FRMD6: variants seen among roughly 807,000 people sequenced by gnomAD.
FRMD6 encodes FERM domain containing 6.
Under a neutral mutation model 73.2 loss-of-function variants are expected in FRMD6, and 37 were observed. The ratio of observed to expected loss-of-function variants is 0.51; its 90% confidence interval spans 0.39 to 0.66. The LOEUF is 0.66. Among genes scored for constraint, FRMD6 ranks in the 30% least tolerant of loss-of-function variants. FRMD6 has a pLI of 0.00. For missense variants in FRMD6, 714 were observed against 780.5 expected, an observed-to-expected ratio of 0.91 and a Z score of 1.02; for synonymous variants, 273 against 282.2, an observed-to-expected ratio of 0.97 and a Z score of 0.33.
At chr14:51,448,018 T>C in the FRMD6 span, among the ~76,000 whole-genome samples, 1 of 152,246 alleles carries the variant, frequency 6.6e-6, no homozygotes, top group South Asian at 2.1e-4. Flanking sequence ...GCTATTCCTT[T>C]GTAGGAAATG....
At chr14:51,443,356 A>G in the FRMD6 span, among the ~76,000 whole-genome samples, 4 of 152,198 alleles carry the variant, frequency 2.6e-5, no homozygotes, top group African/African-American at 7.2e-5. Context: ...AAATCTTTCT[A>G]TTTATATTCT....
chr14:51,427,043 G>T, the FRMD6 span, among the ~76,000 whole-genome samples: 2 of 152,194 alleles, frequency 1.3e-5, no homozygotes, highest in African/African-American at 4.8e-5. Context: ...CATCAGATAT[G>T]AGAGTCTAAG....
intron 1 of FRMD6, among the ~76,000 whole-genome samples, chr14:51,539,987 G>A (rs1351153383): frequency 6.6e-6 from 1 of 152,196 alleles, no homozygotes; most frequent in Non-Finnish European, 1.5e-5. Context: ...CCAACAAAAG[G>A]CACACTTTGT....
upstream of FRMD6, among the ~76,000 whole-genome samples, chr14:51,486,728 T>C (rs1009875688): frequency 1.3e-5 from 2 of 152,184 alleles, no homozygotes; most frequent in African/African-American, 2.4e-5. Context: ...GAAATTCTGG[T>C]TGTGGGTATG....
At chr14:51,645,523 G>C (rs1003482685) in intron 2 of FRMD6, among the ~76,000 whole-genome samples, 1 of 152,112 alleles carries the variant, frequency 6.6e-6, no homozygotes, top group Non-Finnish European at 1.5e-5. Context: ...TTGACCTCCC[G>C]GGCTCAAGTG....
At chr14:51,483,817 A>G in the FRMD6 span, among the ~76,000 whole-genome samples, 2 of 152,252 alleles carry the variant, frequency 1.3e-5, no homozygotes, top group African/African-American at 4.8e-5. Flanking sequence ...AAGGTAATGA[A>G]CACAGAGCAT....
chr14:51,491,401 GGT>G (rs1882994718), intron 1 of FRMD6: 1 of 152,164 alleles, frequency 6.6e-6, no homozygotes, highest in South Asian at 2.1e-4. Flanking sequence ...TTTCATTGAT[GGT>G]TCCCCAGCTC....
In FRMD6 at chr14:51,669,542, T is replaced by C. The variant is rs371501510; in HGVS notation, c.-147+17546T>C. 3.3e-5 allele frequency among the ~76,000 whole-genome samples: 5 copies of C among 152,340 alleles called. No homozygotes were observed. The East Asian group carries it at 7.7e-4, about 23-fold the overall frequency. ...TTGGTATTGTCAGTGTTTTTAACTT[T>C]AACCATTCTGGCAGGTGTGTAGTGG... On this transcript the variant is annotated intron_variant, in intron 1 of 13. Transcript: ENST00000344768.
At chr14:51,654,682 G>T (rs192297319) in intron 1 of FRMD6, among the ~76,000 whole-genome samples, 31 of 152,072 alleles carry the variant, frequency 2.0e-4, no homozygotes, top group African/African-American at 7.2e-4. Flanking sequence ...AAAAATGTAT[G>T]TGAATTTTAG....
At chr14:51,692,506 G>A (rs189602055) in intron 2 of FRMD6, among the ~76,000 whole-genome samples, 32 of 151,224 alleles carry the variant, frequency 2.1e-4, no homozygotes, top group African/African-American at 6.6e-4. Flanking sequence ...ACACACACAA[G>A]CAGGTTGTGG....
Position 51,585,939 on chromosome 14 carries a change from G to GTGTGTGTGTGTGTGTGTGTATA in FRMD6, c.-147+15530_-147+15531insGTGTGTGTGTGTGTGTGTATAT. Among the ~76,000 whole-genome samples the GTGTGTGTGTGTGTGTGTGTATA allele has an allele frequency of 2.5e-4, 8 of 31,388 alleles. 1 individual carries two copies. Among genetic ancestry groups the GTGTGTGTGTGTGTGTGTGTATA allele is most frequent in the Non-Finnish European group, 6.7e-4 (7 of 10,372 alleles). The allele number at this position is 31,388 out of a possible 152,430, so 20.6% of individuals were successfully genotyped here. ...TGCCATGGCATGTGTGTGTGTGTGT[G>GTGTGTGTGTGTGTGTGTGTATA]TATATATATATATATATATATAACA... On this transcript the variant is annotated intron_variant, in intron 2 of 14. Coordinates refer to the FRMD6 transcript ENST00000356218.
chr14:51,666,022 C>T (rs937978523), intron 1 of FRMD6, among the ~76,000 whole-genome samples: 2 of 152,196 alleles, frequency 1.3e-5, no homozygotes, highest in Admixed American at 6.5e-5. Flanking sequence ...TGGACTAATA[C>T]TCTATTGTTA....
chr14:51,588,088 T>C (rs1889159215), intron 2 of FRMD6, among the ~76,000 whole-genome samples: 1 of 152,204 alleles, frequency 6.6e-6, no homozygotes, highest in South Asian at 2.1e-4. Flanking sequence ...GTAATTTTTT[T>C]CACTGTTGAA....
At position 51,724,983 on chromosome 14, in the gene FRMD6, G is replaced by T. The variant is rs147056128; in HGVS notation, c.1493-796G>T. Among the ~76,000 whole-genome samples the T allele has an allele frequency of 8.5e-5, 13 of 152,192 alleles. No individual in the cohort carries two copies. In the East Asian group the frequency reaches 2.3e-3, roughly 27 times the overall value. On this transcript the variant is annotated intron_variant, in intron 12 of 13. Transcript: ENST00000344768. ...TTCCACCGAGTGCTAAAGTGCTTAGGTTAGGTGCTCTGTTGTTCTCAAAGA... is the reference window on the plus strand; with the variant it reads ...TTCCACCGAGTGCTAAAGTGCTTAGTTTAGGTGCTCTGTTGTTCTCAAAGA...
At chr14:51,507,142 A>G (rs1288830109) in intron 1 of FRMD6, among the ~76,000 whole-genome samples, 3 of 149,854 alleles carry the variant, frequency 2.0e-5, no homozygotes, top group Non-Finnish European at 4.4e-5. Context: ...ACACACTGCA[A>G]TAAGGCTATT....
At chr14:51,725,553 T>A (rs1274113701) in intron 12 of FRMD6, among the ~76,000 whole-genome samples, 3 of 152,208 alleles carry the variant, frequency 2.0e-5, no homozygotes, top group Non-Finnish European at 4.4e-5. Context: ...ACTAAACATC[T>A]TCTTACACTC....
chr14:51,542,533 A>G (rs1886257033), intron 1 of FRMD6, among the ~76,000 whole-genome samples: 1 of 152,058 alleles, frequency 6.6e-6, no homozygotes, highest in Non-Finnish European at 1.5e-5. Flanking sequence ...GTAATTTGGC[A>G]ATAGACATTT....
chr14:51,689,258 G>C (rs979385515), intron 1 of FRMD6, among the ~76,000 whole-genome samples: 1 of 152,194 alleles, frequency 6.6e-6, no homozygotes, highest in Non-Finnish European at 1.5e-5. Flanking sequence ...AGTGGTTGAA[G>C]AATGAATGTA....
chr14:51,718,570 CT>C (rs1433211987), intron 10 of FRMD6, among the ~76,000 whole-genome samples: 1 of 152,244 alleles, frequency 6.6e-6, no homozygotes, highest in African/African-American at 2.4e-5. Context: ...ACTGCTTTAG[CT>C]GTCCACCTTC....
Sources: gnomAD v4.1 joint callset for allele counts (sites outside exome capture counted in the v4.1 genomes callset) on GRCh38, gnomAD v4.1.1 for gene constraint, MANE v1.5 for transcripts, NCBI Gene and HGNC (gene_info 2026-07-23, HGNC 2026-07-21) for gene names.